Variants in CDH18 observed in about 807,000 individuals in gnomAD.
CDH18 encodes cadherin-18.
In CDH18, 31 loss-of-function variants were observed where a neutral mutation model predicts 67.9. The observed-to-expected ratio is 0.46, with a 90% CI of 0.34 to 0.62. CDH18 has a LOEUF of 0.62. CDH18 is among the 20% of genes least tolerant of loss of function. CDH18 has a pLI of 0.01. For missense variants in CDH18, 890 were observed against 975.5 expected (o/e 0.91, Z 1.17); for synonymous variants, 362 against 347.2 (o/e 1.04, Z -0.48).
At chr5:19,924,400 G>A (rs1220690777) in intron 2 of CDH18, among the ~76,000 whole-genome samples, 4 of 152,106 alleles carry the variant, frequency 2.6e-5, no homozygotes, top group Admixed American at 2.6e-4. Context: ...ACTTTGGGAG[G>A]CTGAGGAGGG....
At chr5:20,570,977 A>G (rs1248041099) in intron 1 of CDH18, among the ~76,000 whole-genome samples, 3 of 152,158 alleles carry the variant, frequency 2.0e-5, no homozygotes, top group South Asian at 4.1e-4. Context: ...ACCAACATAT[A>G]CTTTCTAATT....
At chr5:20,431,487 CAA>C (rs560015111) in intron 1 of CDH18, among the ~76,000 whole-genome samples, 25 of 66,234 alleles carry the variant, frequency 3.8e-4, no homozygotes, top group African/African-American at 1.2e-3. Context: ...GAGTGAAACT[CAA>C]AAAAAAAAAA....
intron 1 of CDH18, among the ~76,000 whole-genome samples, chr5:20,368,082 T>G (rs1243140440): frequency 6.6e-6 from 1 of 152,190 alleles, no homozygotes; most frequent in East Asian, 1.9e-4. Flanking sequence ...TTGGGACTCC[T>G]GGGGTGAAAT....
At chr5:20,555,442 T>TTTTTTTTTC in intron 1 of CDH18, among the ~76,000 whole-genome samples, 1 of 51,010 alleles carries the variant, frequency 2.0e-5, no homozygotes, top group Admixed American at 2.8e-4. Context: ...TTTTTTTTTT[T>TTTTTTTTTC]TTTTTTTTCT....
chr5:19,511,526 A>G (rs2126830231), intron 10 of CDH18, among the ~76,000 whole-genome samples: 1 of 152,224 alleles, frequency 6.6e-6, no homozygotes, highest in Non-Finnish European at 1.5e-5. Flanking sequence ...TGATATCTAA[A>G]ATGAAGTCCA....
chr5:20,440,040 G>A lies in CDH18; in HGVS notation c.-580+135422C>T, dbSNP rs929729068. Among the ~76,000 whole-genome samples the A allele has an allele frequency of 4.6e-5, 7 of 151,528 alleles. 1 individual carries two copies. Among genetic ancestry groups the A allele is most frequent in the African/African-American group, 1.7e-4 (7 of 41,034 alleles). On this transcript the variant is annotated intron_variant, in intron 1 of 14. Transcript: ENST00000507958. ...CTTTTCCTTAAAATAAAATATATTAGTAAATTAATAAATTTGTGAATACAC... is the reference window on the plus strand; with the variant it reads ...CTTTTCCTTAAAATAAAATATATTAATAAATTAATAAATTTGTGAATACAC...
chr5:19,851,732 A>AAT (rs1475478547), intron 2 of CDH18, among the ~76,000 whole-genome samples: 1 of 150,768 alleles, frequency 6.6e-6, no homozygotes, highest in East Asian at 1.9e-4. Flanking sequence ...CTTACTGGGG[A>AAT]ATATATATGT....
rs180678670 is a variant in CDH18 at position 19,479,367 on chromosome 5, T to C, written c.1882+3934A>G. Among the ~76,000 whole-genome samples, 4 of 152,304 alleles carry C rather than the reference T, an allele frequency of 2.6e-5. No homozygotes were observed. The East Asian group carries it at 7.7e-4, about 29-fold the overall frequency. ...AAAAATAAAGTTTTGCTACATTTGGTTTTGTCGATATTTATGCCGAAAATC... is the reference window on the plus strand; with the variant it reads ...AAAAATAAAGTTTTGCTACATTTGGCTTTGTCGATATTTATGCCGAAAATC... On this transcript the variant is annotated intron_variant, in intron 12 of 12. Coordinates refer to ENST00000382275, the MANE Select transcript of CDH18 (RefSeq NM_004934.5).
chr5:19,978,381 T>G (rs1798707924), intron 2 of CDH18, among the ~76,000 whole-genome samples: 1 of 152,148 alleles, frequency 6.6e-6, no homozygotes, highest in South Asian at 2.1e-4. Flanking sequence ...AGACTGATAG[T>G]ATAATTATTA....
At chr5:19,885,997 C>T (rs1436056584) in intron 2 of CDH18, 1 of 152,148 alleles carries the variant, frequency 6.6e-6, no homozygotes, top group Non-Finnish European at 1.5e-5. Context: ...CTGTATCATG[C>T]CATTTTATTT....
intron 1 of CDH18, among the ~76,000 whole-genome samples, chr5:20,488,874 T>C (rs1334738316): frequency 6.6e-6 from 1 of 151,894 alleles, no homozygotes; most frequent in African/African-American, 2.4e-5. Context: ...GCCAAAATAA[T>C]GCAACAAAGA....
At chr5:19,713,646 T>C (rs1270477615) in intron 5 of CDH18, among the ~76,000 whole-genome samples, 2 of 152,168 alleles carry the variant, frequency 1.3e-5, no homozygotes, top group African/African-American at 4.8e-5. Context: ...ATAGTGTCTG[T>C]AAAGTACTTT....
intron 1 of CDH18, among the ~76,000 whole-genome samples, chr5:20,571,027 C>T (rs1022979196): frequency 2.6e-5 from 4 of 152,140 alleles, no homozygotes; most frequent in African/African-American, 9.7e-5. Flanking sequence ...ACCCAATAGA[C>T]ATGAGTCCTC....
intron 2 of CDH18, among the ~76,000 whole-genome samples, chr5:19,973,755 G>C (rs1006161508): frequency 1.3e-5 from 2 of 151,952 alleles, no homozygotes; most frequent in Non-Finnish European, 2.9e-5. Flanking sequence ...TTTGAGGAGG[G>C]GAAAGTATAA....
chr5:19,766,589 T>C (rs1244608326), intron 3 of CDH18, among the ~76,000 whole-genome samples: 1 of 152,184 alleles, frequency 6.6e-6, no homozygotes, highest in African/African-American at 2.4e-5. Flanking sequence ...CTTTTCTGCA[T>C]AAAATATTTG....
At position 19,797,223 on chromosome 5, in the gene CDH18, T is replaced by A. The variant is rs1280598800; in HGVS notation, c.228+41536A>T. On this transcript the variant is annotated intron_variant, in intron 3 of 12. Coordinates refer to ENST00000382275, the MANE Select transcript of CDH18 (RefSeq NM_004934.5). Reference sequence around the variant, plus strand: ...ACTATACCATGTAAATTTTTTTTTATAAAAGTAGGAATGATTGAATTAATA... The same window carrying A: ...ACTATACCATGTAAATTTTTTTTTAAAAAAGTAGGAATGATTGAATTAATA... Among the ~76,000 whole-genome samples, 53 of 151,974 alleles carry A rather than the reference T, an allele frequency of 3.5e-4. 1 individual carries two copies. The highest frequency in any genetic ancestry group is 2.9e-5 in the Non-Finnish European group (2 of 67,856).
chr5:20,090,514 G>A (rs929849979), intron 2 of CDH18, among the ~76,000 whole-genome samples: 4 of 152,054 alleles, frequency 2.6e-5, no homozygotes, highest in Middle Eastern at 3.4e-3. Flanking sequence ...CAGCCTGGGC[G>A]ACAGAGCAAG....
chr5:20,329,085 G>C (rs1468791356), intron 1 of CDH18, among the ~76,000 whole-genome samples: 1 of 152,138 alleles, frequency 6.6e-6, no homozygotes, highest in Admixed American at 6.5e-5. Flanking sequence ...AGCATGAACT[G>C]TTTTAATATC....
At chr5:20,103,663 G>A (rs1009553444) in intron 2 of CDH18, among the ~76,000 whole-genome samples, 2 of 151,536 alleles carry the variant, frequency 1.3e-5, no homozygotes, top group African/African-American at 4.8e-5. Context: ...AACCCGGGAG[G>A]CAGAGGTTGC....
Sources: gnomAD v4.1 joint callset for allele counts (sites outside exome capture counted in the v4.1 genomes callset) on GRCh38, gnomAD v4.1.1 for gene constraint, MANE v1.5 for transcripts, NCBI Gene and HGNC (gene_info 2026-07-23, HGNC 2026-07-21) for gene names.